The following HDAC7 variants were observed in gnomAD, a reference collection of about 807,000 sequenced individuals.
HDAC7 encodes the protein histone deacetylase 7A.
A neutral mutation model predicts 115.5 loss-of-function variants in HDAC7; 26 were observed. That is an observed-to-expected ratio of 0.23 (90% confidence interval 0.16 to 0.31). HDAC7 has a LOEUF of 0.31. Among genes scored for constraint, HDAC7 ranks in the 10% least tolerant of loss-of-function variants. The pLI is 1.00. For synonymous variants in HDAC7, 564 were observed against 550.9 expected (o/e 1.02, Z -0.33); for missense variants, 1,068 against 1,329.0 (o/e 0.80, Z 3.05).
At position 47,793,818 on chromosome 12, in the gene HDAC7, C is replaced by A. The variant is rs73107980; in HGVS notation, c.1459-230G>T. 6.6e-6 allele frequency among the ~76,000 whole-genome samples: 1 copy of A among 152,086 alleles called. No individual in the cohort carries two copies. The highest frequency in any genetic ancestry group is 1.5e-5 in the Non-Finnish European group (1 of 68,006). On this transcript the variant is annotated intron_variant, in intron 12 of 25. Transcript: ENST00000080059. The surrounding 1 kb of genome is among the most constrained non-coding windows in gnomAD (Gnocchi z 4.5). The stretch of plus-strand genomic sequence containing the variant: ...CTGACCACCCATTCCACCAGCTCCC[C>A]GGGCCCTTGGGGCTCCAAAGCCAGG...
At position 47,798,568 on chromosome 12, in the gene HDAC7, T is replaced by G. The variant is rs757163174; in HGVS notation, c.343A>C (p.Lys115Gln). 2 of 1,613,800 alleles carry G rather than the reference T, an allele frequency of 1.2e-6. No individual in the cohort carries two copies. The highest frequency in any genetic ancestry group is 1.7e-6 in the Non-Finnish European group (2 of 1,179,868). Residue 115 changes from lysine (K) to glutamine (Q), a missense_variant, in exon 4 of 26, where the codon AAG becomes CAG. Physicochemically the swap from Lys to Gln is moderately conservative, Grantham distance 53. Around this residue, in one of 6 missense-constraint regions of HDAC7, gnomAD observed 161 missense variants for 158.5 expected, o/e 1.02. Coordinates refer to ENST00000080059, the MANE Select transcript of HDAC7 (RefSeq NM_015401.5). The surrounding 1 kb of genome is among the most constrained non-coding windows in gnomAD (Gnocchi z 4.3). The stretch of plus-strand genomic sequence containing the variant: ...GGGGTGGCCACCTCCTTACTTCGCT[T>G]GCTCTTGTCCTTGTGGAGAAGCTGC... Reference protein sequence around the residue: ...LRQLLHKDKSKRSAVASSVVK... With the variant: ...LRQLLHKDKSQRSAVASSVVK...
rs373121556 is a variant in HDAC7, at chr12:47,797,855, G to GGTGTGTGTGTGTGTGTGTGT, written c.461+233_461+252dup. ...TCATGTGCAAGAAAAAAGCCAGTAG[G>GGTGTGTGTGTGTGTGTGTGT]GTGTGTGTGTGTGTGTGTGTGTGTG... is the stretch of plus-strand genomic sequence containing the variant. On this transcript the variant is annotated intron_variant, in intron 5 of 25. Coordinates refer to ENST00000080059, the MANE Select transcript of HDAC7 (RefSeq NM_015401.5). The surrounding 1 kb of genome is among the most constrained non-coding windows in gnomAD (Gnocchi z 5.5). 2.0e-3 allele frequency among the ~76,000 whole-genome samples: 244 copies of GGTGTGTGTGTGTGTGTGTGT among 123,926 alleles called. 1 individual carries two copies. Among genetic ancestry groups the GGTGTGTGTGTGTGTGTGTGT allele is most frequent in the Middle Eastern group, 4.1e-3 (1 of 242 alleles). The allele number at this position is 123,926 out of a possible 152,430, so 81.3% of individuals were successfully genotyped here.
intron 1 of HDAC7, among the ~76,000 whole-genome samples, chr12:47,814,192 G>C (rs566270375): frequency 6.6e-6 from 1 of 152,322 alleles, no homozygotes; most frequent in South Asian, 2.1e-4. Context: ...AGGGCCATCT[G>C]GGCTCAGGTT....
chr12:47,791,392 C>T, intron 15 of HDAC7, 84 bp from the exon 16 acceptor site: 7 of 1,424,824 alleles, frequency 4.9e-6, no homozygotes, highest in Non-Finnish European at 4.7e-6. Context: ...GAGAGCAGGG[C>T]CGGGTGAGTA....
Position 47,790,103 on chromosome 12 carries a change from C to G in HDAC7, c.1984-183G>C, listed in dbSNP as rs548569513. ...CCTGTGTCCCCCAATCCCAGCATGACTTTTTCCCAGCTTAAGTCCCAGCAC... is the reference window on the plus strand; with the variant it reads ...CCTGTGTCCCCCAATCCCAGCATGAGTTTTTCCCAGCTTAAGTCCCAGCAC... On this transcript the variant is annotated intron_variant, in intron 16 of 25. Transcript: ENST00000080059. 59 of 599,094 alleles carry G rather than the reference C, an allele frequency of 9.8e-5. No homozygotes were observed. In the South Asian group the frequency reaches 1.1e-3, roughly 11 times the overall value. The allele number at this position is 599,094 out of a possible 1,614,324, so 37.1% of individuals were successfully genotyped here.
chr12:47,810,485 GCCAGCCTGTTC>G (rs1439431920), intron 1 of HDAC7, among the ~76,000 whole-genome samples: 1 of 152,176 alleles, frequency 6.6e-6, no homozygotes, highest in Non-Finnish European at 1.5e-5. Context: ...TGCTCCCAAT[GCCAGCCTGTTC>G]CCACAAAGTG....
Position 47,803,944 on chromosome 12 carries a change from T to G in HDAC7, c.20-1670A>C, listed in dbSNP as rs1030236294. 6.6e-5 allele frequency among the ~76,000 whole-genome samples: 10 copies of G among 152,116 alleles called. No homozygotes were observed. The highest frequency in any genetic ancestry group is 2.4e-4 in the African/African-American group (10 of 41,410). ...CCAGGGTGCACTCCCAGAGACTGTG[T>G]CAGGCTGAGTCCCCTGCCTCCTGGG... On this transcript the variant is annotated intron_variant, in intron 1 of 25. Coordinates refer to ENST00000080059, the MANE Select transcript of HDAC7 (RefSeq NM_015401.5). This position sits in a 1 kb window ranked among gnomAD's most constrained non-coding sequence, Gnocchi z 4.0.
intron 16 of HDAC7, 67 bp downstream of exon 16, chr12:47,791,192 G>C (rs904775892): frequency 1.4e-6 from 2 of 1,421,776 alleles, no homozygotes; most frequent in African/African-American, 2.8e-5. Flanking sequence ...GCTGGGCCTG[G>C]GAGAACCACA....
chr12:47,795,533 C>A lies in HDAC7; in HGVS notation c.1087+54G>T. 1 of 1,529,076 alleles carries A rather than the reference C, an allele frequency of 6.5e-7. No homozygotes were observed. The highest frequency in any genetic ancestry group is 8.8e-7 in the Non-Finnish European group (1 of 1,131,880). The allele number at this position is 1,529,076 out of a possible 1,614,324, so 94.7% of individuals were successfully genotyped here. A position where few individuals can be genotyped will look rare whatever the true frequency, so the allele number is the denominator to read the frequency against. Reference sequence around the variant, plus strand: ...AAGGATGGGTCCATCCCAAGCTTGGCTCTTAGCAGGGTGCAGGGACCCAGC... The same window carrying A: ...AAGGATGGGTCCATCCCAAGCTTGGATCTTAGCAGGGTGCAGGGACCCAGC... On this transcript the variant is annotated intron_variant, in intron 10 of 25. Coordinates refer to ENST00000080059, the MANE Select transcript of HDAC7 (RefSeq NM_015401.5). This position sits in a 1 kb window ranked among gnomAD's most constrained non-coding sequence, Gnocchi z 4.3.
At chr12:47,810,728 A>G (rs1217472093) in intron 1 of HDAC7, among the ~76,000 whole-genome samples, 1 of 152,148 alleles carries the variant, frequency 6.6e-6, no homozygotes, top group Non-Finnish European at 1.5e-5. Context: ...AGCCCTCTAC[A>G]AAATGCGGGT....
chr12:47,820,158 C>A (rs920411583), upstream of HDAC7, among the ~76,000 whole-genome samples: 1 of 151,140 alleles, frequency 6.6e-6, no homozygotes, highest in Non-Finnish European at 1.5e-5. This position sits in a 1 kb window ranked among gnomAD's most constrained non-coding sequence, Gnocchi z 4.3. Context: ...GAACCCGGAA[C>A]GCCGGCCGCG....
intron 1 of HDAC7, among the ~76,000 whole-genome samples, chr12:47,818,943 C>G (rs1046041279): frequency 6.6e-6 from 1 of 152,202 alleles, no homozygotes; most frequent in Non-Finnish European, 1.5e-5. Context: ...GGCCCACAGG[C>G]CTAGAAACTC....
At chr12:47,792,102 C>T (rs1462431521) in intron 13 of HDAC7, 98 bp from the exon 14 acceptor site, 2 of 1,416,188 alleles carry the variant, frequency 1.4e-6, no homozygotes, top group East Asian at 5.0e-5. Context: ...CAGGCACCCA[C>T]ATGGAGCCGG....
intron 25 of HDAC7, 24 bp downstream of exon 25, chr12:47,784,055 C>T: frequency 6.2e-7 from 1 of 1,610,264 alleles, no homozygotes; most frequent in Non-Finnish European, 8.5e-7. Flanking sequence ...GGCTGTGGGC[C>T]CAGGGCCAGG....
In HDAC7 at chr12:47,797,051, G is replaced by A; in HGVS notation, c.669C>T (p.Pro223=). The change falls in exon 7 of 26, where the codon CCC becomes CCT. Residue 223 remains proline (P), a synonymous_variant. Transcript: ENST00000080059. The surrounding 1 kb of genome is among the most constrained non-coding windows in gnomAD (Gnocchi z 5.5). ...NPLLRKESAP[P]SLRRRPAETL... Reference sequence around the variant, plus strand: ...TCTCTGCGGGCCGCCGCCGGAGGCTGGGGGGCGCACTCTCCTTTCGGAGCA... The same window carrying A: ...TCTCTGCGGGCCGCCGCCGGAGGCTAGGGGGCGCACTCTCCTTTCGGAGCA... The A allele has an allele frequency of 6.3e-7, 1 of 1,594,524 alleles. No homozygotes were observed. Among genetic ancestry groups the A allele is most frequent in the Non-Finnish European group, 8.5e-7 (1 of 1,171,782 alleles).
Position 47,792,988 on chromosome 12 carries a change from T to C in HDAC7, c.1678+381A>G, listed in dbSNP as rs147975936. Reference sequence around the variant, plus strand: ...TGGGTGGTGGGATACTGGTTGGTGATTTTTCTTTTCTTCTTAGGTTTTTCT... The same window carrying C: ...TGGGTGGTGGGATACTGGTTGGTGACTTTTCTTTTCTTCTTAGGTTTTTCT... On this transcript the variant is annotated intron_variant, in intron 13 of 25. Transcript: ENST00000080059. The C allele has an allele frequency of 1.8e-3, 490 of 269,350 alleles. 5 individuals are homozygous for C. The highest frequency in any genetic ancestry group is 0.01 in the African/African-American group (474 of 45,350). The allele number at this position is 269,350 out of a possible 1,614,324, so 16.7% of individuals were successfully genotyped here.
At position 47,793,272 on chromosome 12, in the gene HDAC7, G is replaced by T; in HGVS notation, c.1678+97C>A. 2 of 915,756 alleles carry T rather than the reference G, an allele frequency of 2.2e-6. No homozygotes were observed. The highest frequency in any genetic ancestry group is 1.6e-6 in the Non-Finnish European group (1 of 621,838). The allele number at this position is 915,756 out of a possible 1,614,324, so 56.7% of individuals were successfully genotyped here. A position where few individuals can be genotyped will look rare whatever the true frequency, so the allele number is the denominator to read the frequency against. On this transcript the variant is annotated intron_variant, in intron 13 of 25. Coordinates refer to ENST00000080059, the MANE Select transcript of HDAC7 (RefSeq NM_015401.5). The surrounding 1 kb of genome is among the most constrained non-coding windows in gnomAD (Gnocchi z 4.5). ...TGGGCCTAACAAGGCTAAGCACTCT[G>T]TGGCCTCTAAAAATGTCCCAAGTGA...
rs1942952131 is a variant in HDAC7 at position 47,783,016 on chromosome 12, G to A, written c.*825C>T. 6.6e-6 allele frequency: 1 copy of A among 152,606 alleles called. No individual in the cohort carries two copies. The highest frequency in any genetic ancestry group is 1.5e-5 in the Non-Finnish European group (1 of 68,076). The allele number at this position is 152,606 out of a possible 1,614,324, so 9.5% of individuals were successfully genotyped here. A position where few individuals can be genotyped will look rare whatever the true frequency, so the allele number is the denominator to read the frequency against. ...TCCCCCTCAGTCAGGCTACTCCTAT[G>A]TGGGGTGGGAATCAGAGCTATGGTG... is the stretch of plus-strand genomic sequence containing the variant. On this transcript the variant is annotated 3_prime_UTR_variant, in exon 26 of 26. Coordinates refer to ENST00000080059, the MANE Select transcript of HDAC7 (RefSeq NM_015401.5).
Position 47,795,320 on chromosome 12 carries a change from A to G in HDAC7, c.1148T>C (p.Leu383Pro). Residue 383 changes from leucine to proline, a missense_variant, in exon 11 of 26, where the codon CTC becomes CCC. Physicochemically the swap from Leu to Pro is moderately conservative, Grantham distance 98 (BLOSUM62 -3). Coordinates refer to ENST00000080059, the MANE Select transcript of HDAC7 (RefSeq NM_015401.5). This position sits in a 1 kb window ranked among gnomAD's most constrained non-coding sequence, Gnocchi z 4.3. ...FAQSLMTTER[L>P]SGSGLHWPLS... ...TGGCCAGTGGAGGCCTGACCCAGAG[A>G]GCCGCTCGGTGGTCATTAAGGACTG... The G allele has an allele frequency of 1.2e-6, 2 of 1,610,646 alleles. No homozygotes were observed. Among genetic ancestry groups the G allele is most frequent in the Non-Finnish European group, 1.7e-6 (2 of 1,179,068 alleles).
Sources: allele counts gnomAD v4.1 joint callset (sites outside exome capture counted in the v4.1 genomes callset), GRCh38; gene constraint gnomAD v4.1.1; regional missense constraint gnomAD v4.1.1; non-coding constraint Gnocchi (gnomAD v3.1); transcripts MANE v1.5; gene names NCBI Gene and HGNC (gene_info 2026-07-23, HGNC 2026-07-21).